BHMT2: variants seen among roughly 807,000 people sequenced by gnomAD.
BHMT2 encodes betaine--homocysteine S-methyltransferase 2, also known as S-methylmethionine--homocysteine S-methyltransferase BHMT2.
Under a neutral mutation model 39.0 loss-of-function variants are expected in BHMT2, and 28 were observed. The ratio of observed to expected loss-of-function variants is 0.72; its 90% confidence interval spans 0.53 to 0.98. BHMT2 has a LOEUF of 0.98. Ranked by LOEUF, BHMT2 falls within the 50% of genes least tolerant of loss-of-function variation. The pLI, the probability that BHMT2 is intolerant of heterozygous loss-of-function variation, is 0.00. For synonymous variants in BHMT2, 145 were observed against 160.6 expected, an observed-to-expected ratio of 0.90 and a Z score of 0.74; for missense variants, 410 against 455.6, an observed-to-expected ratio of 0.90 and a Z score of 0.91.
chr5:79,079,468 G>T lies in BHMT2; in HGVS notation c.258+8G>T, dbSNP rs747353216. 11 of 1,601,602 alleles carry T rather than the reference G, an allele frequency of 6.9e-6. No homozygotes were observed. The South Asian group carries it at 1.1e-4, about 16-fold the overall frequency. On this transcript the variant is annotated splice_region_variant and intron_variant, in intron 3 of 7. Transcript: ENST00000255192. Reference sequence around the variant, plus strand: ...GACAATATGGAAAGCAAGGTAAACGGCAATGGCTGGGTGTGGGGGAGGGAG... The same window carrying T: ...GACAATATGGAAAGCAAGGTAAACGTCAATGGCTGGGTGTGGGGGAGGGAG...
At position 79,088,480 on chromosome 5, in the gene BHMT2, T is replaced by C. The variant is rs1580256809; in HGVS notation, c.1011-13T>C. On this transcript the variant is annotated splice_polypyrimidine_tract_variant and intron_variant, in intron 7 of 7. Coordinates refer to ENST00000255192, the MANE Select transcript of BHMT2 (RefSeq NM_017614.5). ...ACTTTTAATTAATTAATTATGTATA[T>C]ATTGAAACACAGGGCTCGAAGGGAG... 2 of 1,610,356 alleles carry C rather than the reference T, an allele frequency of 1.2e-6. No individual in the cohort carries two copies. The highest frequency in any genetic ancestry group is 1.1e-5 in the South Asian group (1 of 90,850).
In BHMT2 at chr5:79,087,226, A is replaced by G. The variant is rs563303875; in HGVS notation, c.1011-1267A>G. ...GAACTGGAAAAATTTGCCTAATGCA[A>G]ATTTACTTAGGTTGTAAAAGTAGGC... On this transcript the variant is annotated intron_variant, in intron 7 of 7. Coordinates refer to ENST00000255192, the MANE Select transcript of BHMT2 (RefSeq NM_017614.5). Among the ~76,000 whole-genome samples the G allele has an allele frequency of 8.6e-5, 13 of 151,754 alleles. 1 individual carries two copies. The highest frequency in any genetic ancestry group is 3.1e-4 in the African/African-American group (13 of 41,406).
chr5:79,079,543 G>A, intron 3 of BHMT2, 83 bp downstream of exon 3: 1 of 944,594 alleles, frequency 1.1e-6, no homozygotes, highest in Non-Finnish European at 1.7e-6. Flanking sequence ...AATTGATTAT[G>A]TGTTACTATA....
chr5:79,079,317 T>A lies in BHMT2; in HGVS notation c.167-52T>A, dbSNP rs61029360. 1.5e-3 allele frequency: 2,019 copies of A among 1,337,242 alleles called. 23 individuals carry two copies. The African/African-American group carries it at 0.024, about 16-fold the overall frequency. The allele number at this position is 1,337,242 out of a possible 1,614,324, so 82.8% of individuals were successfully genotyped here. ...CTGCTTTTGAAAATGATAGCTTCTGTAATATTTCTTTATTCATTTATTTCA... is the reference window on the plus strand; with the variant it reads ...CTGCTTTTGAAAATGATAGCTTCTGAAATATTTCTTTATTCATTTATTTCA... On this transcript the variant is annotated intron_variant, in intron 2 of 7. Coordinates refer to ENST00000255192, the MANE Select transcript of BHMT2 (RefSeq NM_017614.5).
intron 1 of BHMT2, chr5:79,071,317 T>A (rs1041773300): frequency 6.6e-6 from 1 of 151,158 alleles, no homozygotes; most frequent in Non-Finnish European, 1.5e-5. Flanking sequence ...AAGGGGAAGT[T>A]ATTTTAGACA....
intron 3 of BHMT2, 133 bp from the exon 4 acceptor site, chr5:79,080,554 C>T: frequency 2.9e-6 from 2 of 697,376 alleles, no homozygotes; most frequent in Non-Finnish European, 4.6e-6. Context: ...CCCAACTCTG[C>T]TGGTCTTTTC....
In BHMT2 at chr5:79,080,413, G is replaced by C. The variant is rs1356182476; in HGVS notation, c.259-274G>C. Among the ~76,000 whole-genome samples, 3 of 152,318 alleles carry C rather than the reference G, an allele frequency of 2.0e-5. No individual in the cohort carries two copies. In the East Asian group the frequency reaches 5.8e-4, roughly 29 times the overall value. On this transcript the variant is annotated intron_variant, in intron 3 of 7. Coordinates refer to ENST00000255192, the MANE Select transcript of BHMT2 (RefSeq NM_017614.5). ...GTCCATTCTCTATGTTAGACTCAAA[G>C]TTGATACAAAGGCATAGACCCTATC...
intron 3 of BHMT2, 144 bp downstream of exon 3, chr5:79,079,604 A>G (rs1298168942): frequency 9.2e-6 from 6 of 651,042 alleles, no homozygotes; most frequent in Admixed American, 5.9e-5. Flanking sequence ...GTGAAGATAT[A>G]TACTAAATAG....
intron 1 of BHMT2, 54 bp from the exon 2 acceptor site, chr5:79,077,426 A>AG: frequency 6.6e-7 from 1 of 1,506,900 alleles, no homozygotes; most frequent in South Asian, 1.3e-5. Flanking sequence ...AAATGCTTTT[A>AG]GGAAAAAAAA....
chr5:79,077,664 T>C (rs1194783257), intron 2 of BHMT2, 52 bp downstream of exon 2: 3 of 1,558,994 alleles, frequency 1.9e-6, no homozygotes, highest in Non-Finnish European at 2.6e-6. Flanking sequence ...TTTATTTAAA[T>C]CTGATTGAGA....
chr5:79,081,458 C>T (rs1283560922), intron 4 of BHMT2, among the ~76,000 whole-genome samples: 1 of 152,206 alleles, frequency 6.6e-6, no homozygotes, highest in Non-Finnish European at 1.5e-5. Flanking sequence ...AGGCCCAGAA[C>T]ATTCTCTTTC....
rs374403176 is a variant in BHMT2, at chr5:79,080,725, G to A, written c.297G>A (p.Arg99=). 1.4e-5 allele frequency: 22 copies of A among 1,600,046 alleles called. 1 individual carries two copies. The highest frequency in any genetic ancestry group is 4.6e-5 in the East Asian group (2 of 43,890). Residue 99 remains arginine (R), a synonymous_variant, in exon 4 of 8, where the codon AGG becomes AGA. Transcript: ENST00000255192. ...DVNAAACDLA[R]EVAGKGDALV... ...ATGCTGCTGCCTGTGACCTCGCCAG[G>A]GAAGTGGCTGGCAAAGGTGATGCTT...
In BHMT2 at chr5:79,083,668, A is replaced by C; in HGVS notation, c.822A>C (p.Lys274Asn). The C allele has an allele frequency of 3.1e-6, 5 of 1,614,108 alleles. No homozygotes were observed. The South Asian group carries it at 4.4e-5, about 14-fold the overall frequency. ...TTGCCACCAGATGGGATATTCAAAA[A>C]TACGCCAGAGAGGCCTACAACCTGG... is the stretch of plus-strand genomic sequence containing the variant. ...SRVATRWDIQ[K>N]YAREAYNLGV... Residue 274 changes from lysine to asparagine, a missense_variant, in exon 7 of 8, where the codon AAA becomes AAC. Coordinates refer to ENST00000255192, the MANE Select transcript of BHMT2 (RefSeq NM_017614.5).
rs370147287 is a variant in BHMT2 at position 79,069,807 on chromosome 5, G to T, written c.25G>T (p.Ala9Ser). The change falls in exon 1 of 8, where the codon GCC becomes TCC. Residue 9 changes from alanine (A) to serine (S), a missense_variant. Ala to Ser is a moderately conservative substitution (Grantham distance 99). Transcript: ENST00000255192. ...CATGGCACCTGCTGGACGCCCGGGG[G>T]CCAAGAAGGTGAGTTTCGTCCCCTC... MAPAGRPG[A>S]KKGILERLES... is the part of the protein sequence containing the mutation. 4.2e-6 allele frequency: 6 copies of T among 1,436,056 alleles called. No individual in the cohort carries two copies. The African/African-American group carries it at 5.9e-5, about 14-fold the overall frequency. 89.0% of individuals were successfully genotyped at this position (1,436,056 alleles called of 1,614,324 possible). A position where few individuals can be genotyped will look rare whatever the true frequency, so the allele number is the denominator to read the frequency against.
At chr5:79,079,892 C>CAA (rs897196950) in intron 3 of BHMT2, among the ~76,000 whole-genome samples, 2 of 149,928 alleles carry the variant, frequency 1.3e-5, no homozygotes, top group African/African-American at 2.4e-5. Context: ...CCCATGTCAG[C>CAA]AAAAAAAAAG....
Position 79,077,618 on chromosome 5 carries a change from T to C in BHMT2, c.166+6T>C, listed in dbSNP as rs1297775045. On this transcript the variant is annotated splice_donor_region_variant and intron_variant, in intron 2 of 7. Transcript: ENST00000255192. ...GATAGAACACCCAGACGCAGGTTGG[T>C]GTCCACATCCCCAAGAGTGTCTACC... The C allele has an allele frequency of 1.2e-6, 2 of 1,613,298 alleles. No homozygotes were observed. Among genetic ancestry groups the C allele is most frequent in the Non-Finnish European group, 8.5e-7 (1 of 1,179,680 alleles).
At chr5:79,083,460 T>G in intron 6 of BHMT2, 86 bp downstream of exon 6, 1 of 1,498,392 alleles carries the variant, frequency 6.7e-7, no homozygotes, top group African/African-American at 1.4e-5. Flanking sequence ...AGTTTTACAA[T>G]AAGAGACTGC....
chr5:79,075,605 T>C (rs1220349095), intron 1 of BHMT2, among the ~76,000 whole-genome samples: 1 of 152,194 alleles, frequency 6.6e-6, no homozygotes, highest in Non-Finnish European at 1.5e-5. Context: ...CTTCCACTGA[T>C]GCAGCCTACA....
chr5:79,081,902 C>G (rs1755794986), intron 4 of BHMT2, among the ~76,000 whole-genome samples: 1 of 152,086 alleles, frequency 6.6e-6, no homozygotes, highest in Non-Finnish European at 1.5e-5. Flanking sequence ...ATTATTCCCC[C>G]TAGTGACCCC....
Sources: allele counts gnomAD v4.1 joint callset (sites outside exome capture counted in the v4.1 genomes callset), GRCh38; gene constraint gnomAD v4.1.1; transcripts MANE v1.5; gene names NCBI Gene and HGNC (gene_info 2026-07-23, HGNC 2026-07-21).